Variants in MEGF11 observed in about 807,000 individuals in gnomAD.
MEGF11 encodes the protein multiple EGF like domains 11.
A neutral mutation model predicts 146.6 loss-of-function variants in MEGF11; 126 were observed. The ratio of observed to expected loss-of-function variants is 0.86; its 90% confidence interval spans 0.74 to 1.00. The LOEUF (loss-of-function observed/expected upper bound fraction) is 1.00. Among genes scored for constraint, MEGF11 ranks in the 50% least tolerant of loss-of-function variants. The pLI is 0.00. For synonymous variants in MEGF11, 532 were observed against 583.4 expected, an observed-to-expected ratio of 0.91 and a Z score of 1.27; for missense variants, 1,509 against 1,521.2, an observed-to-expected ratio of 0.99 and a Z score of 0.13.
At position 66,119,745 on chromosome 15, in the gene MEGF11, G is replaced by A. The variant is rs1200153594; in HGVS notation, c.201-559C>T. ...ACCAAAAATAACACCTCCGGGAGAG[G>A]AGCCTCGCATGCCATCCCTGGGAAG... On this transcript the variant is annotated intron_variant, in intron 3 of 25. Transcript: ENST00000395614. Among the ~76,000 whole-genome samples the A allele has an allele frequency of 3.3e-5, 5 of 152,090 alleles. 1 individual carries two copies. The highest frequency in any genetic ancestry group is 2.4e-5 in the African/African-American group (1 of 41,406).
chr15:66,047,326 C>G (rs1166095670), intron 5 of MEGF11, among the ~76,000 whole-genome samples: 1 of 152,156 alleles, frequency 6.6e-6, no homozygotes, highest in African/African-American at 2.4e-5. Flanking sequence ...GCTGTGTGAC[C>G]TGGGGCCAGT....
At chr15:66,196,121 C>A (rs111710941) in intron 1 of MEGF11, among the ~76,000 whole-genome samples, 80 of 152,166 alleles carry the variant, frequency 5.3e-4, no homozygotes, top group African/African-American at 1.9e-3. Flanking sequence ...GGGGGAGAAC[C>A]AGTGCTGGGA....
At chr15:66,164,603 C>T (rs1260903718) in intron 1 of MEGF11, among the ~76,000 whole-genome samples, 4 of 152,198 alleles carry the variant, frequency 2.6e-5, no homozygotes, top group African/African-American at 4.8e-5. Context: ...CTGTGGGCCT[C>T]GTGGAGTTTT....
chr15:65,906,144 G>A lies in MEGF11; in HGVS notation c.2999-3C>T. ...ACGTCTATCCATTCCACAAGCACCT[G>A]TGTAAAAATAACATGTAAGGAAAGA... On this transcript the variant is annotated splice_polypyrimidine_tract_variant and splice_region_variant and intron_variant, in intron 23 of 25. Transcript: ENST00000395614. The A allele has an allele frequency of 6.2e-7, 1 of 1,606,756 alleles. No individual in the cohort carries two copies. Among genetic ancestry groups the A allele is most frequent in the African/African-American group, 1.3e-5 (1 of 74,942 alleles).
chr15:66,041,877 G>A (rs911555933), intron 5 of MEGF11, among the ~76,000 whole-genome samples: 2 of 152,160 alleles, frequency 1.3e-5, no homozygotes, highest in African/African-American at 4.8e-5. Context: ...AGGTCATACA[G>A]CAAGGAAGTG....
At chr15:65,962,372 C>G (rs1472153996) in intron 9 of MEGF11, among the ~76,000 whole-genome samples, 1 of 152,146 alleles carries the variant, frequency 6.6e-6, no homozygotes, top group Non-Finnish European at 1.5e-5. Context: ...TGTCTGGAAA[C>G]ATTTCTGATT....
chr15:66,193,358 A>G (rs903374991), intron 1 of MEGF11, among the ~76,000 whole-genome samples: 1 of 152,214 alleles, frequency 6.6e-6, no homozygotes, highest in African/African-American at 2.4e-5. Flanking sequence ...CATGCAACAG[A>G]AATCTGTTCA....
At chr15:65,996,994 CGGT>C (rs1156481639) in intron 5 of MEGF11, among the ~76,000 whole-genome samples, 2 of 152,206 alleles carry the variant, frequency 1.3e-5, no homozygotes, top group African/African-American at 2.4e-5. Context: ...CCCCACCTAT[CGGT>C]GGGAAGCACG....
At chr15:66,137,559 CT>C (rs10647289) in intron 1 of MEGF11, among the ~76,000 whole-genome samples, 125 of 142,108 alleles carry the variant, frequency 8.8e-4, no homozygotes, top group East Asian at 2.7e-3. Flanking sequence ...GACTTTCTTT[CT>C]TTTTTTTTTT....
intron 8 of MEGF11, among the ~76,000 whole-genome samples, chr15:65,968,675 A>G (rs1257680247): frequency 6.6e-6 from 1 of 152,218 alleles, no homozygotes; most frequent in Non-Finnish European, 1.5e-5. Flanking sequence ...CCTGCGGAAC[A>G]GAAGGATAAT....
chr15:66,123,845 G>A (rs78431447), intron 3 of MEGF11, 54 bp downstream of exon 3: 37,442 of 1,455,288 alleles, frequency 0.026, 1,622 homozygotes, highest in South Asian at 0.14. Context: ...ACAGAGGCAA[G>A]CCCTGAGAGC....
intron 5 of MEGF11, among the ~76,000 whole-genome samples, chr15:66,072,609 A>G (rs2085415082): frequency 6.6e-6 from 1 of 152,178 alleles, no homozygotes; most frequent in Admixed American, 6.5e-5. Flanking sequence ...TGTATTCCTG[A>G]GTGAGCGAAT....
At position 65,916,275 on chromosome 15, in the gene MEGF11, G is replaced by A; in HGVS notation, c.2217C>T (p.Arg739=). The A allele has an allele frequency of 6.4e-7, 1 of 1,554,232 alleles. No homozygotes were observed. Among genetic ancestry groups the A allele is most frequent in the Non-Finnish European group, 8.7e-7 (1 of 1,148,474 alleles). ...PGWTGLFCTQ[R]CPAAFFGKDC... ...CCTTCCCAAAAAATGCTGCTGGGCA[G>A]CCTAGAGAAACAGGATTTCCAGTCA... The change falls in exon 18 of 26, where the codon CGC becomes CGT. Residue 739 remains arginine (R), a splice_region_variant and synonymous_variant. Coordinates refer to ENST00000395614, the MANE Select transcript of MEGF11 (RefSeq NM_001385028.1).
At chr15:66,056,519 C>A (rs549023802) in intron 5 of MEGF11, among the ~76,000 whole-genome samples, 1 of 152,146 alleles carries the variant, frequency 6.6e-6, no homozygotes, top group Non-Finnish European at 1.5e-5. Context: ...TTAGCCTGCC[C>A]CCGATCTTCA....
intron 10 of MEGF11, among the ~76,000 whole-genome samples, chr15:65,953,499 G>A (rs1214273819): frequency 1.3e-5 from 2 of 152,228 alleles, no homozygotes; most frequent in Non-Finnish European, 2.9e-5. Flanking sequence ...ATTGAGGAAA[G>A]TGAAAGTGCA....
intron 1 of MEGF11, among the ~76,000 whole-genome samples, chr15:66,150,027 G>A (rs2089505759): frequency 6.6e-6 from 1 of 152,052 alleles, no homozygotes; most frequent in Non-Finnish European, 1.5e-5. Context: ...GCTAATTAAA[G>A]CGAGATGCTA....
At chr15:66,092,123 G>A (rs1200406430) in intron 5 of MEGF11, among the ~76,000 whole-genome samples, 2 of 144,628 alleles carry the variant, frequency 1.4e-5, no homozygotes, top group African/African-American at 5.1e-5. Flanking sequence ...CCAATCAGTA[G>A]AAGCTAAAAG....
chr15:66,138,389 C>A (rs1212211459), intron 1 of MEGF11, among the ~76,000 whole-genome samples: 1 of 152,192 alleles, frequency 6.6e-6, no homozygotes, highest in Non-Finnish European at 1.5e-5. Flanking sequence ...TATGCCGTTT[C>A]AAAGACCCAA....
chr15:65,978,002 A>C (rs1269531895), intron 7 of MEGF11, among the ~76,000 whole-genome samples: 2 of 152,210 alleles, frequency 1.3e-5, no homozygotes, highest in African/African-American at 4.8e-5. Flanking sequence ...AACAGGCTTC[A>C]TGTTGGGCTA....
Sources: gnomAD v4.1 joint callset for allele counts (sites outside exome capture counted in the v4.1 genomes callset) on GRCh38, gnomAD v4.1.1 for gene constraint, MANE v1.5 for transcripts, NCBI Gene and HGNC (gene_info 2026-07-23, HGNC 2026-07-21) for gene names.